The following NFIA variants were observed in gnomAD, a reference collection of about 807,000 sequenced individuals.
NFIA encodes the protein nuclear factor 1 A-type.
In NFIA, 8 loss-of-function variants were observed where a neutral mutation model predicts 62.8. That is an observed-to-expected ratio of 0.13 (90% confidence interval 0.07 to 0.23). The LOEUF (loss-of-function observed/expected upper bound fraction) is 0.23, where lower values mean the gene tolerates loss of function less well. Ranked by LOEUF, NFIA falls within the 10% of genes least tolerant of loss-of-function variation. NFIA has a pLI of 1.00. For synonymous variants in NFIA, 235 were observed against 238.1 expected, an observed-to-expected ratio of 0.99 and a Z score of 0.12; for missense variants, 410 against 642.1, an observed-to-expected ratio of 0.64 and a Z score of 3.91.
intron 2 of NFIA, among the ~76,000 whole-genome samples, chr1:61,161,643 C>T (rs903589192): frequency 6.6e-5 from 10 of 151,778 alleles, no homozygotes; most frequent in African/African-American, 1.2e-4. Flanking sequence ...TGACTTTCAA[C>T]GGTTTGACTT....
At chr1:61,426,898 T>C (rs751556595) in intron 10 of NFIA, among the ~76,000 whole-genome samples, 49 of 152,070 alleles carry the variant, frequency 3.2e-4, no homozygotes, top group Non-Finnish European at 5.3e-4. Context: ...GAAAGTAATA[T>C]CTGGTTGCCA....
intron 5 of NFIA, among the ~76,000 whole-genome samples, chr1:61,355,334 G>T (rs2100435952): frequency 6.6e-6 from 1 of 152,262 alleles, no homozygotes; most frequent in South Asian, 2.1e-4. Context: ...TAGGTAGGTA[G>T]ATAATGTGAT....
chr1:61,381,427 G>A (rs1249983465), intron 6 of NFIA, among the ~76,000 whole-genome samples: 11 of 152,114 alleles, frequency 7.2e-5, no homozygotes, highest in African/African-American at 2.2e-4. Context: ...TTGGTATGGT[G>A]TGACTGGTTA....
intron 2 of NFIA, among the ~76,000 whole-genome samples, chr1:61,159,143 A>G (rs899635234): frequency 1.3e-5 from 2 of 152,156 alleles, no homozygotes; most frequent in Non-Finnish European, 2.9e-5. Flanking sequence ...AATTACCGAG[A>G]CTAGTAATAA....
intron 2 of NFIA, chr1:61,132,643 A>T (rs902514089): frequency 6.6e-6 from 1 of 152,208 alleles, no homozygotes; most frequent in Non-Finnish European, 1.5e-5. Context: ...TAAGGAGAAA[A>T]GGGATGGAAG....
chr1:61,437,634 G>A (rs1245562882), intron 10 of NFIA, among the ~76,000 whole-genome samples: 3 of 152,178 alleles, frequency 2.0e-5, no homozygotes, highest in Non-Finnish European at 4.4e-5. Context: ...AAACTAAGAT[G>A]TGATCGATGA....
chr1:61,317,800 G>A, intron 3 of NFIA, among the ~76,000 whole-genome samples: 1 of 152,088 alleles, frequency 6.6e-6, no homozygotes, highest in Middle Eastern at 3.4e-3. Flanking sequence ...TAAAGATTAT[G>A]TTTGTTATTT....
chr1:61,393,889 C>T (rs1665136116), intron 7 of NFIA, among the ~76,000 whole-genome samples: 1 of 152,226 alleles, frequency 6.6e-6, no homozygotes, highest in Admixed American at 6.5e-5. Flanking sequence ...CCTATTTGTT[C>T]ATGCCACAGA....
intron 2 of NFIA, among the ~76,000 whole-genome samples, chr1:61,242,959 T>C (rs557320837): frequency 1.3e-5 from 2 of 152,264 alleles, no homozygotes; most frequent in South Asian, 4.1e-4. Context: ...GTGTACATTT[T>C]GTATATTCTC....
chr1:61,319,584 T>G (rs1428424393), intron 3 of NFIA, among the ~76,000 whole-genome samples: 1 of 152,064 alleles, frequency 6.6e-6, no homozygotes. Flanking sequence ...AATGATAACC[T>G]ATGTGAAATG....
rs74090334 is a variant in NFIA, at chr1:61,229,247, G to A, written c.560-48273G>A. Among the ~76,000 whole-genome samples the A allele has an allele frequency of 1.2e-3, 185 of 151,928 alleles. 1 individual carries two copies. Among genetic ancestry groups the A allele is most frequent in the African/African-American group, 4.4e-3 (181 of 41,464 alleles). ...TAAAAAGCATAAAATATAAGATCAC[G>A]TTAAAGATATTCTTAGAAAGATAAA... On this transcript the variant is annotated intron_variant, in intron 2 of 10. Transcript: ENST00000403491.
intron 4 of NFIA, among the ~76,000 whole-genome samples, chr1:61,334,429 CTT>C (rs1294753095): frequency 6.9e-6 from 1 of 145,980 alleles, no homozygotes; most frequent in South Asian, 2.2e-4. Context: ...CTGTATATAT[CTT>C]TTTTTTTTAA....
intron 3 of NFIA, among the ~76,000 whole-genome samples, chr1:61,279,278 G>A (rs758366245): frequency 1.3e-5 from 2 of 152,064 alleles, no homozygotes; most frequent in Non-Finnish European, 2.9e-5. Context: ...TCCTACCCAT[G>A]AGAAATTTGA....
At chr1:61,141,176 G>A (rs1647495079) in intron 2 of NFIA, among the ~76,000 whole-genome samples, 1 of 152,022 alleles carries the variant, frequency 6.6e-6, no homozygotes, top group African/African-American at 2.4e-5. Context: ...AAGTAGGGGT[G>A]GGATAGTCTC....
At chr1:61,344,604 G>T (rs1186088042) in intron 4 of NFIA, among the ~76,000 whole-genome samples, 1 of 152,208 alleles carries the variant, frequency 6.6e-6, no homozygotes, top group Non-Finnish European at 1.5e-5. Flanking sequence ...AAGGGCAGGG[G>T]TTTTCTATAT....
chr1:61,233,553 C>T (rs1654807069), intron 2 of NFIA, among the ~76,000 whole-genome samples: 1 of 152,200 alleles, frequency 6.6e-6, no homozygotes, highest in South Asian at 2.1e-4. Flanking sequence ...GTGCTTACTA[C>T]TTGTGCTGTG....
At chr1:61,153,478 C>A (rs1374552863) in intron 2 of NFIA, among the ~76,000 whole-genome samples, 1 of 152,142 alleles carries the variant, frequency 6.6e-6, no homozygotes, top group Non-Finnish European at 1.5e-5. Context: ...TATTTGAAAA[C>A]TTTTGGTGTT....
At chr1:61,095,906 A>C (rs1189332098) in intron 2 of NFIA, among the ~76,000 whole-genome samples, 3 of 152,040 alleles carry the variant, frequency 2.0e-5, no homozygotes, top group Non-Finnish European at 4.4e-5. Flanking sequence ...TACAAGACAT[A>C]ATATATATTT....
chr1:61,087,138 CAGAA>C (rs1381642538), intron 1 of NFIA, among the ~76,000 whole-genome samples: 3 of 151,848 alleles, frequency 2.0e-5, no homozygotes, highest in African/African-American at 7.3e-5. Context: ...TTAAGCAAAA[CAGAA>C]AGAAACATTT....
Sources: allele counts gnomAD v4.1 joint callset (sites outside exome capture counted in the v4.1 genomes callset), GRCh38; gene constraint gnomAD v4.1.1; transcripts MANE v1.5; gene names NCBI Gene and HGNC (gene_info 2026-07-23, HGNC 2026-07-21).